Variants in DIAPH3 observed in about 807,000 individuals in gnomAD.
DIAPH3 encodes the protein diaphanous related formin 3, also known as protein diaphanous homolog 3.
Under a neutral mutation model 144.3 loss-of-function variants are expected in DIAPH3, and 117 were observed. The observed-to-expected ratio is 0.81, with a 90% CI of 0.70 to 0.95. The LOEUF is 0.95. Ranked by LOEUF, DIAPH3 falls within the 40% of genes least tolerant of loss-of-function variation. The pLI is 0.00. For missense variants in DIAPH3, 1,421 were observed against 1,412.7 expected (o/e 1.01, Z -0.09); for synonymous variants, 519 against 488.9 (o/e 1.06, Z -0.81).
chr13:59,723,604 A>G (rs959267245), intron 27 of DIAPH3, among the ~76,000 whole-genome samples: 3 of 151,158 alleles, frequency 2.0e-5, no homozygotes, highest in Admixed American at 6.6e-5. Context: ...ATCGAAAATG[A>G]TGGTCTTTTT....
chr13:60,092,652 A>G (rs968453036), intron 4 of DIAPH3, among the ~76,000 whole-genome samples: 3 of 152,004 alleles, frequency 2.0e-5, no homozygotes, highest in African/African-American at 7.3e-5. Context: ...CTCCGTCTCA[A>G]AAGAAAAAAA....
At chr13:59,684,930 T>C (rs1346648895) in intron 27 of DIAPH3, among the ~76,000 whole-genome samples, 1 of 152,098 alleles carries the variant, frequency 6.6e-6, no homozygotes, top group Middle Eastern at 3.2e-3. Flanking sequence ...GGGGATAAGG[T>C]GGGTGGATAT....
intron 1 of DIAPH3, among the ~76,000 whole-genome samples, chr13:60,134,042 G>A (rs11839898): frequency 0.037 from 5,651 of 152,236 alleles, 170 homozygotes; most frequent in East Asian, 0.1. Context: ...TGATGATCCA[G>A]ATTAAAAATC....
intron 27 of DIAPH3, among the ~76,000 whole-genome samples, chr13:59,673,042 TCA>T (rs1250701439): frequency 1.3e-5 from 2 of 152,320 alleles, no homozygotes; most frequent in South Asian, 2.1e-4. Context: ...TACTGCCATT[TCA>T]CAGTTTCCTA....
At chr13:59,812,913 A>T (rs999791947) in intron 24 of DIAPH3, among the ~76,000 whole-genome samples, 9 of 152,184 alleles carry the variant, frequency 5.9e-5, no homozygotes, top group African/African-American at 2.2e-4. Flanking sequence ...CTTTTCAAAG[A>T]TATTTGCATA....
At chr13:60,039,053 A>C (rs2055439295) in intron 5 of DIAPH3, among the ~76,000 whole-genome samples, 1 of 152,030 alleles carries the variant, frequency 6.6e-6, no homozygotes, top group African/African-American at 2.4e-5. Context: ...CACCGAGAAT[A>C]CTAGATAATC....
chr13:59,883,682 G>A (rs931084024), intron 20 of DIAPH3, among the ~76,000 whole-genome samples: 2 of 152,154 alleles, frequency 1.3e-5, no homozygotes, highest in African/African-American at 4.8e-5. Flanking sequence ...CAGGCCTAGA[G>A]CTAACTTGCT....
intron 27 of DIAPH3, among the ~76,000 whole-genome samples, chr13:59,769,996 A>G (rs2038041404): frequency 6.6e-6 from 1 of 152,082 alleles, no homozygotes; most frequent in Non-Finnish European, 1.5e-5. Flanking sequence ...TAATGTTGCC[A>G]CACTTTGCTT....
chr13:59,810,716 A>C, intron 25 of DIAPH3, 72 bp downstream of exon 25: 1 of 1,512,064 alleles, frequency 6.6e-7, no homozygotes, highest in East Asian at 2.3e-5. Flanking sequence ...TAAGTTCATT[A>C]ATATACTAAT....
chr13:59,907,812 T>A (rs1444451529), intron 20 of DIAPH3, among the ~76,000 whole-genome samples: 1 of 152,220 alleles, frequency 6.6e-6, no homozygotes, highest in Non-Finnish European at 1.5e-5. Context: ...GTCTACTACA[T>A]ATACATTTAT....
chr13:59,832,960 A>C, intron 24 of DIAPH3, 147 bp downstream of exon 24: 1 of 707,134 alleles, frequency 1.4e-6, no homozygotes, highest in Admixed American at 2.3e-5. Flanking sequence ...ACATTTTTCA[A>C]TAGATTTTTA....
intron 17 of DIAPH3, among the ~76,000 whole-genome samples, chr13:59,958,367 A>G (rs2049529688): frequency 6.6e-6 from 1 of 152,156 alleles, no homozygotes; most frequent in Non-Finnish European, 1.5e-5. Flanking sequence ...ATAAAACAAG[A>G]GTAACAATCT....
chr13:60,053,548 T>C (rs1474313359), intron 4 of DIAPH3, among the ~76,000 whole-genome samples: 1 of 152,124 alleles, frequency 6.6e-6, no homozygotes, highest in Non-Finnish European at 1.5e-5. Context: ...TCTGTTCGTC[T>C]AAAACTAAAT....
intron 20 of DIAPH3, among the ~76,000 whole-genome samples, chr13:59,881,153 T>C (rs2045009843): frequency 6.9e-6 from 1 of 145,866 alleles, no homozygotes; most frequent in Admixed American, 6.6e-5. Context: ...TGTCTTAAAA[T>C]ATATTATATT....
At chr13:59,905,732 C>T (rs1347236668) in intron 20 of DIAPH3, among the ~76,000 whole-genome samples, 1 of 152,090 alleles carries the variant, frequency 6.6e-6, no homozygotes, top group Middle Eastern at 3.2e-3. Flanking sequence ...AAGAGGGAAG[C>T]AGGAGGGTCA....
intron 27 of DIAPH3, among the ~76,000 whole-genome samples, chr13:59,755,559 G>A (rs557268802): frequency 6.6e-6 from 1 of 152,220 alleles, no homozygotes; most frequent in Non-Finnish European, 1.5e-5. Context: ...AAAAGAGAAT[G>A]AGTGGCTAGG....
In DIAPH3 at chr13:59,811,728, C is replaced by T. The variant is rs537329852; in HGVS notation, c.3028-805G>A. 1.3e-4 allele frequency among the ~76,000 whole-genome samples: 17 copies of T among 130,878 alleles called. No homozygotes were observed. The East Asian group carries it at 3.5e-3, about 27-fold the overall frequency. The allele number at this position is 130,878 out of a possible 152,430, so 85.9% of individuals were successfully genotyped here. A position where few individuals can be genotyped will look rare whatever the true frequency, so the allele number is the denominator to read the frequency against. On this transcript the variant is annotated intron_variant, in intron 24 of 27. Transcript: ENST00000400324. ...CTCCAGCCTGGGCGACAGAGCAAGA[C>T]TCTGTCTCAAAAAAAAAAAAAAAAA...
chr13:59,938,083 C>G (rs925212935), intron 17 of DIAPH3, among the ~76,000 whole-genome samples: 4 of 152,100 alleles, frequency 2.6e-5, no homozygotes, highest in African/African-American at 9.7e-5. Flanking sequence ...TCTCTGTGCT[C>G]TAAGAATAAT....
chr13:59,897,798 G>A (rs2046202570), intron 20 of DIAPH3, among the ~76,000 whole-genome samples: 1 of 151,300 alleles, frequency 6.6e-6, no homozygotes, highest in South Asian at 2.1e-4. Flanking sequence ...GTGCTGAACT[G>A]GATCACAATA....
Sources: gnomAD v4.1 joint callset for allele counts (sites outside exome capture counted in the v4.1 genomes callset) on GRCh38, gnomAD v4.1.1 for gene constraint, MANE v1.5 for transcripts, NCBI Gene and HGNC (gene_info 2026-07-23, HGNC 2026-07-21) for gene names.